The following EYA1 variants were observed in gnomAD, a reference collection of about 807,000 sequenced individuals.
EYA1 encodes the protein protein phosphatase EYA1.
EYA1 carries 16 observed loss-of-function variants against 82.0 expected under a neutral mutation model. The observed-to-expected ratio is 0.20, with a 90% CI of 0.13 to 0.30. The LOEUF is 0.30. EYA1 is among the 10% of genes least tolerant of loss of function. The pLI is 1.00. For missense variants in EYA1, 633 were observed against 730.7 expected, an observed-to-expected ratio of 0.87 and a Z score of 1.54; for synonymous variants, 261 against 264.4, an observed-to-expected ratio of 0.99 and a Z score of 0.12.
intron 2 of EYA1, among the ~76,000 whole-genome samples, chr8:71,527,187 T>A (rs1445756781): frequency 1.3e-5 from 2 of 152,230 alleles, no homozygotes; most frequent in Admixed American, 1.3e-4. Flanking sequence ...TAGAAATGTA[T>A]CACACTAGGG....
At chr8:71,401,399 C>T (rs1387021554) in intron 2 of EYA1, among the ~76,000 whole-genome samples, 3 of 152,192 alleles carry the variant, frequency 2.0e-5, no homozygotes, top group Non-Finnish European at 4.4e-5. Context: ...CTTTATTAAT[C>T]ACTATCATCC....
intron 12 of EYA1, among the ~76,000 whole-genome samples, chr8:71,231,655 A>G (rs185281509): frequency 6.6e-6 from 1 of 152,362 alleles, no homozygotes; most frequent in African/African-American, 2.4e-5. Context: ...AATGTGTTTC[A>G]TATTTTATCC....
At chr8:71,527,819 A>G (rs1408643316) in intron 2 of EYA1, among the ~76,000 whole-genome samples, 1 of 152,164 alleles carries the variant, frequency 6.6e-6, no homozygotes, top group Non-Finnish European at 1.5e-5. Flanking sequence ...AGTTATAGGC[A>G]TGTGATAAGA....
intron 2 of EYA1, among the ~76,000 whole-genome samples, chr8:71,491,063 T>C (rs1810959502): frequency 1.3e-5 from 2 of 151,958 alleles, no homozygotes; most frequent in African/African-American, 4.8e-5. Flanking sequence ...AATATTAGCT[T>C]TAAGAGAAAC....
At chr8:71,520,126 G>A (rs1371215958) in intron 2 of EYA1, among the ~76,000 whole-genome samples, 2 of 152,104 alleles carry the variant, frequency 1.3e-5, no homozygotes, top group Non-Finnish European at 2.9e-5. Flanking sequence ...CTTCCAGCAG[G>A]AACCTTTTAT....
chr8:71,399,555 A>G (rs1244703922), intron 2 of EYA1, among the ~76,000 whole-genome samples: 1 of 152,206 alleles, frequency 6.6e-6, no homozygotes, highest in African/African-American at 2.4e-5. Context: ...TGCTATAAGA[A>G]GAGTAAATAC....
chr8:71,296,377 A>G (rs1279459042), intron 9 of EYA1, among the ~76,000 whole-genome samples: 1 of 150,962 alleles, frequency 6.6e-6, no homozygotes, highest in Non-Finnish European at 1.5e-5. Context: ...GAGTCCTTAC[A>G]TGTTTGCCCT....
chr8:71,269,957 C>A (rs1323148444), intron 10 of EYA1, 134 bp from the exon 11 acceptor site: 4 of 729,192 alleles, frequency 5.5e-6, no homozygotes, highest in Non-Finnish European at 7.4e-6. Context: ...TCAAAAAAAA[C>A]ACAACTGTTT....
At chr8:71,278,124 G>A (rs1009070743) in intron 9 of EYA1, among the ~76,000 whole-genome samples, 3 of 152,026 alleles carry the variant, frequency 2.0e-5, no homozygotes, top group Admixed American at 1.3e-4. Context: ...TCAAATTGAC[G>A]ACAGCCTAGA....
At chr8:71,205,376 T>A (rs1340192392) in intron 17 of EYA1, among the ~76,000 whole-genome samples, 1 of 152,126 alleles carries the variant, frequency 6.6e-6, no homozygotes, top group Admixed American at 6.5e-5. Context: ...CTAATCATTT[T>A]CTCTCAAGCC....
intron 2 of EYA1, among the ~76,000 whole-genome samples, chr8:71,463,412 A>G (rs1808515092): frequency 6.6e-6 from 1 of 152,238 alleles, no homozygotes; most frequent in South Asian, 2.1e-4. Context: ...AACTGTAACT[A>G]GACAACCACC....
At chr8:71,347,024 A>C (rs1308336293) in intron 3 of EYA1, among the ~76,000 whole-genome samples, 2 of 152,212 alleles carry the variant, frequency 1.3e-5, no homozygotes, top group Admixed American at 6.5e-5. Flanking sequence ...TAGGTGAAAC[A>C]CACATATAAA....
chr8:71,293,806 C>A (rs1187433739), intron 9 of EYA1, among the ~76,000 whole-genome samples: 2 of 108,906 alleles, frequency 1.8e-5, no homozygotes, highest in Admixed American at 9.7e-5. Context: ...CAAAGAACAT[C>A]AAAAAACAAC....
chr8:71,524,788 G>C (rs1017497150), intron 2 of EYA1, among the ~76,000 whole-genome samples: 1 of 151,918 alleles, frequency 6.6e-6, no homozygotes, highest in African/African-American at 2.4e-5. Context: ...GCATCCCTTT[G>C]GACTATGGAC....
At chr8:71,528,773 T>C (rs1173107657) in intron 2 of EYA1, among the ~76,000 whole-genome samples, 1 of 152,208 alleles carries the variant, frequency 6.6e-6, no homozygotes, top group Non-Finnish European at 1.5e-5. Flanking sequence ...ACGGTACGTC[T>C]TTCATATGTT....
At chr8:71,427,542 A>G (rs1176215820) in intron 2 of EYA1, among the ~76,000 whole-genome samples, 2 of 152,206 alleles carry the variant, frequency 1.3e-5, no homozygotes, top group Non-Finnish European at 2.9e-5. Context: ...TGCTGAATAA[A>G]TTACCTACTT....
At chr8:71,312,349 C>T (rs1821431917) in intron 7 of EYA1, among the ~76,000 whole-genome samples, 1 of 152,166 alleles carries the variant, frequency 6.6e-6, no homozygotes, top group South Asian at 2.1e-4. Flanking sequence ...AAGCCATTCT[C>T]CGTTTTGAGT....
chr8:71,350,890 T>C (rs1050219241), intron 3 of EYA1, among the ~76,000 whole-genome samples: 1 of 152,146 alleles, frequency 6.6e-6, no homozygotes, highest in Admixed American at 6.5e-5. Flanking sequence ...CTTAATTACA[T>C]ACGTAAATAA....
rs143491324 is a variant in EYA1 at position 71,517,372 on chromosome 8, CT to C, written c.33+18371del. On this transcript the variant is annotated intron_variant, in intron 2 of 18. Transcript: ENST00000643681. ...ATGAATTCTTCTTTTCCATGAAAAT[CT>C]TTTAAAATATTTTGAAAAATGCATC... is the stretch of plus-strand genomic sequence containing the variant. 7.2e-3 allele frequency among the ~76,000 whole-genome samples: 1,091 copies of C among 151,972 alleles called. 17 individuals carry two copies. The highest frequency in any genetic ancestry group is 0.025 in the African/African-American group (1,033 of 41,460).
Sources: gnomAD v4.1 joint callset for allele counts (sites outside exome capture counted in the v4.1 genomes callset) on GRCh38, gnomAD v4.1.1 for gene constraint, MANE v1.5 for transcripts, NCBI Gene and HGNC (gene_info 2026-07-23, HGNC 2026-07-21) for gene names.